The following CCDC192 variants were observed in gnomAD, a reference collection of about 807,000 sequenced individuals.
CCDC192 encodes coiled-coil domain-containing protein 192.
intron 2 of CCDC192, among the ~76,000 whole-genome samples, chr5:127,718,684 T>C (rs73783961): frequency 1.7e-3 from 253 of 152,266 alleles, no homozygotes; most frequent in African/African-American, 5.8e-3. Context: ...AAACTGAATG[T>C]TTAGATCAGG....
At chr5:127,777,440 C>T (rs908171095) in intron 3 of CCDC192, among the ~76,000 whole-genome samples, 4 of 152,142 alleles carry the variant, frequency 2.6e-5, no homozygotes, top group Non-Finnish European at 5.9e-5. Context: ...TTTACAGGCT[C>T]ATAGGCAAGA....
chr5:127,796,341 T>C (rs1007828670), intron 3 of CCDC192, among the ~76,000 whole-genome samples: 10 of 152,208 alleles, frequency 6.6e-5, no homozygotes, highest in Admixed American at 6.5e-4. Context: ...CTTCAGAGAA[T>C]GCCCTGGGAG....
intron 5 of CCDC192, among the ~76,000 whole-genome samples, chr5:127,870,960 G>A (rs965070578): frequency 6.6e-6 from 1 of 152,208 alleles, no homozygotes; most frequent in African/African-American, 2.4e-5. Context: ...CGAGCATTTT[G>A]CTAGTGGGCC....
At chr5:127,904,267 T>C (rs1169168591) in intron 6 of CCDC192, among the ~76,000 whole-genome samples, 1 of 152,178 alleles carries the variant, frequency 6.6e-6, no homozygotes, top group East Asian at 1.9e-4. Context: ...GTAACCTTGA[T>C]TTTAGCCCGG....
chr5:127,854,022 C>A (rs150747135), intron 5 of CCDC192, among the ~76,000 whole-genome samples: 2 of 152,288 alleles, frequency 1.3e-5, no homozygotes, highest in East Asian at 3.9e-4. Flanking sequence ...CCATTTAAAT[C>A]TTTATTGCAT....
chr5:127,707,241 A>G (rs548012925), intron 1 of CCDC192, among the ~76,000 whole-genome samples: 2 of 152,318 alleles, frequency 1.3e-5, no homozygotes, highest in African/African-American at 2.4e-5. Flanking sequence ...AGTGGAAACT[A>G]AAACGGTAAG....
intron 6 of CCDC192, among the ~76,000 whole-genome samples, chr5:127,901,655 T>A (rs1753039815): frequency 6.6e-6 from 1 of 152,308 alleles, no homozygotes; most frequent in East Asian, 1.9e-4. Context: ...CATCCAAGAA[T>A]CTTCTCTTCC....
At chr5:127,732,204 AAAG>A (rs1752680304) in intron 2 of CCDC192, among the ~76,000 whole-genome samples, 1 of 152,218 alleles carries the variant, frequency 6.6e-6, no homozygotes, top group Non-Finnish European at 1.5e-5. Context: ...ACACTTCTCA[AAAG>A]AAGACATTTA....
intron 1 of CCDC192, 110 bp from the exon 2 acceptor site, chr5:127,707,599 T>C (rs1210681531): frequency 7.7e-6 from 3 of 387,974 alleles, no homozygotes; most frequent in Non-Finnish European, 1.4e-5. Context: ...AGAAAATTTA[T>C]TTTAAATGTT....
At chr5:127,817,038 G>A (rs1232885913) in intron 5 of CCDC192, among the ~76,000 whole-genome samples, 1 of 152,170 alleles carries the variant, frequency 6.6e-6, no homozygotes, top group Non-Finnish European at 1.5e-5. Context: ...GATATTATTA[G>A]TTATTCATAT....
intron 5 of CCDC192, among the ~76,000 whole-genome samples, chr5:127,870,700 A>T (rs1379546822): frequency 2.6e-5 from 4 of 152,212 alleles, no homozygotes; most frequent in Non-Finnish European, 5.9e-5. Context: ...CCCAAATCAA[A>T]GGCCTGCCAT....
In CCDC192 at chr5:127,831,185, A is replaced by G. The variant is rs77380326; in HGVS notation, c.411+33023A>G. 4.6e-5 allele frequency among the ~76,000 whole-genome samples: 7 copies of G among 152,302 alleles called. No individual in the cohort carries two copies. In the East Asian group the frequency reaches 1.2e-3, roughly 25 times the overall value. On this transcript the variant is annotated intron_variant, in intron 5 of 6. Transcript: ENST00000514853. ...TTTCTCCTTAAAAACTGTGTCTTCT[A>G]TCTTGAAGATTTTGTATTCTTATCC...
intron 5 of CCDC192, among the ~76,000 whole-genome samples, chr5:127,865,779 T>C (rs1394403006): frequency 2.6e-5 from 4 of 151,818 alleles, no homozygotes; most frequent in African/African-American, 9.7e-5. Flanking sequence ...ATCAGGCAAA[T>C]GAACTTGAAG....
intron 6 of CCDC192, among the ~76,000 whole-genome samples, chr5:127,918,020 A>G (rs1753576633): frequency 6.6e-6 from 1 of 152,066 alleles, no homozygotes. Context: ...CTGTAGTCCC[A>G]GCTATTCAGG....
intron 3 of CCDC192, among the ~76,000 whole-genome samples, chr5:127,763,462 C>T (rs1246290612): frequency 6.6e-6 from 1 of 152,222 alleles, no homozygotes; most frequent in East Asian, 1.9e-4. Context: ...TGCAGTGCCT[C>T]TCCTGACTTT....
intron 6 of CCDC192, among the ~76,000 whole-genome samples, chr5:127,940,127 T>C (rs1207331733): frequency 6.6e-6 from 1 of 152,234 alleles, no homozygotes; most frequent in Non-Finnish European, 1.5e-5. Context: ...TTATGGCCAC[T>C]CATCTTTTAT....
intron 2 of CCDC192, among the ~76,000 whole-genome samples, chr5:127,736,777 C>A (rs1276864221): frequency 6.7e-6 from 1 of 149,318 alleles, no homozygotes; most frequent in Non-Finnish European, 1.5e-5. Flanking sequence ...GTGGTGATAT[C>A]CCCTTTATCA....
chr5:127,754,181 T>C, intron 2 of CCDC192, 87 bp from the exon 3 acceptor site: 2 of 394,994 alleles, frequency 5.1e-6, no homozygotes, highest in East Asian at 3.6e-5. Context: ...TAAACTCTTA[T>C]GGATCTTATC....
chr5:127,857,260 T>G (rs1193306696), intron 5 of CCDC192, among the ~76,000 whole-genome samples: 1 of 152,164 alleles, frequency 6.6e-6, no homozygotes, highest in Non-Finnish European at 1.5e-5. Context: ...ACCATTATAG[T>G]CCTTCCAGTT....
Sources: gnomAD v4.1 joint callset for allele counts (sites outside exome capture counted in the v4.1 genomes callset) on GRCh38, gnomAD v4.1.1 for gene constraint, MANE v1.5 for transcripts, NCBI Gene and HGNC (gene_info 2026-07-23, HGNC 2026-07-21) for gene names.